PAK3: variants seen among roughly 807,000 people sequenced by gnomAD.
PAK3 encodes serine/threonine-protein kinase PAK 3.
A neutral mutation model predicts 41.0 loss-of-function variants in PAK3; 4 were observed. That is an observed-to-expected ratio of 0.10 (90% CI 0.05 to 0.22). PAK3 has a LOEUF of 0.22. Among genes scored for constraint, PAK3 ranks in the 10% least tolerant of loss-of-function variants. The pLI is 1.00. For synonymous variants in PAK3, 146 were observed against 139.6 expected (o/e 1.05, Z -0.32); for missense variants, 205 against 409.9 (o/e 0.50, Z 4.32).
At chrX:111,100,738 G>A (rs1303568205) in intron 3 of PAK3, among the ~76,000 whole-genome samples, 2 of 111,700 alleles carry the variant, frequency 1.8e-5, no homozygotes, top group South Asian at 7.6e-4. Flanking sequence ...TACCCCCACC[G>A]CCAAGGTGGC....
At chrX:111,073,099 C>T (rs934063385) in intron 1 of PAK3, among the ~76,000 whole-genome samples, 2 of 111,157 alleles carry the variant, frequency 1.8e-5, no homozygotes, top group African/African-American at 3.3e-5. Context: ...TTCCCACAGC[C>T]ACAGGTACTA....
intron 1 of PAK3, among the ~76,000 whole-genome samples, chrX:110,984,993 T>C (rs1302178435): frequency 9.0e-6 from 1 of 111,085 alleles, no homozygotes; most frequent in Non-Finnish European, 1.9e-5. Context: ...GCCAGGCGTG[T>C]TGGTGCACAC....
intron 1 of PAK3, among the ~76,000 whole-genome samples, chrX:110,988,157 A>G (rs1292656983): frequency 2.7e-5 from 3 of 112,714 alleles, no homozygotes; most frequent in African/African-American, 9.7e-5. Context: ...GCCTTGCCCT[A>G]AAGAAATTCT....
intron 1 of PAK3, among the ~76,000 whole-genome samples, chrX:111,012,655 T>C (rs1482261056): frequency 1.8e-5 from 2 of 112,668 alleles, no homozygotes; most frequent in African/African-American, 6.4e-5. Flanking sequence ...TCTGCTTTAC[T>C]AAAGGAATTA....
intron 17 of PAK3, among the ~76,000 whole-genome samples, chrX:111,219,325 C>T (rs960353212): frequency 9.1e-6 from 1 of 109,949 alleles, no homozygotes; most frequent in Admixed American, 9.8e-5. Context: ...ACAAAAGTGA[C>T]TTCAGGCTAT....
intron 1 of PAK3, among the ~76,000 whole-genome samples, chrX:110,991,751 A>G (rs1390748879): frequency 8.9e-6 from 1 of 111,753 alleles, no homozygotes; most frequent in Non-Finnish European, 1.9e-5. Context: ...TAAATTTAAA[A>G]TTTCTTTTGT....
intron 5 of PAK3, among the ~76,000 whole-genome samples, chrX:111,127,887 G>A (rs2093670056): frequency 9.0e-6 from 1 of 111,593 alleles, no homozygotes; most frequent in Admixed American, 9.5e-5. Flanking sequence ...ATTCTTGTAA[G>A]CCACCTGACA....
intron 1 of PAK3, among the ~76,000 whole-genome samples, chrX:111,047,942 TACTCTCTTTCTATTTCTCTACA>T (rs2092516198): frequency 9.0e-6 from 1 of 111,726 alleles, no homozygotes; most frequent in Non-Finnish European, 1.9e-5. Context: ...TTTGGCTGCA[TACTCTCTTTCTATTTCTCTACA>T]GCCCTGATAG....
intron 17 of PAK3, 134 bp from the exon 18 acceptor site, chrX:111,220,224 C>T (rs903696400): frequency 1.4e-4 from 69 of 504,698 alleles, no homozygotes; most frequent in Non-Finnish European, 2.2e-4. Flanking sequence ...AAGCTGGCAC[C>T]GTTTTTAATT....
chrX:111,096,187 C>T (rs1052147037), upstream of PAK3: 1 of 112,268 alleles, frequency 8.9e-6, no homozygotes. Context: ...CGAGCAGGGG[C>T]TCTACCGCGG....
At chrX:111,025,819 A>G (rs1225669562) in intron 1 of PAK3, among the ~76,000 whole-genome samples, 1 of 107,189 alleles carries the variant, frequency 9.3e-6, no homozygotes, top group Non-Finnish European at 1.9e-5. Context: ...CCTTAATACC[A>G]AAACCAGGAA....
At chrX:111,061,803 C>A (rs992560267) in intron 1 of PAK3, among the ~76,000 whole-genome samples, 1 of 110,224 alleles carries the variant, frequency 9.1e-6, no homozygotes, top group Non-Finnish European at 1.9e-5. Context: ...GCTTTGTGAA[C>A]CTTATACTCA....
intron 8 of PAK3, among the ~76,000 whole-genome samples, chrX:111,161,036 A>G (rs1470988892): frequency 3.6e-5 from 4 of 110,579 alleles, no homozygotes; most frequent in East Asian, 2.9e-4. Context: ...CTGAGGAATC[A>G]CCACACTGAC....
chrX:111,053,248 G>T (rs781260705), intron 1 of PAK3, among the ~76,000 whole-genome samples: 26 of 110,653 alleles, frequency 2.3e-4, no homozygotes, highest in African/African-American at 5.6e-4. Flanking sequence ...TTAGGAGGGG[G>T]TGAAAGTGGG....
Position 111,129,847 on chromosome X carries a change from G to A in PAK3, c.175+6569G>A, listed in dbSNP as rs191037849. Reference sequence around the variant, plus strand: ...GACAGAAGAGTGCTGTATCAAACACGCAGTTTGATATGCTTTAAAAAATGG... The same window carrying A: ...GACAGAAGAGTGCTGTATCAAACACACAGTTTGATATGCTTTAAAAAATGG... On this transcript the variant is annotated intron_variant, in intron 5 of 17. Transcript: ENST00000372007. 2.6e-3 allele frequency among the ~76,000 whole-genome samples: 293 copies of A among 111,364 alleles called. 2 individuals carry two copies. In the South Asian group the frequency reaches 0.057, roughly 22 times the overall value.
At chrX:110,997,046 A>T (rs775983426) in intron 1 of PAK3, among the ~76,000 whole-genome samples, 4 of 112,044 alleles carry the variant, frequency 3.6e-5, no homozygotes, top group African/African-American at 1.3e-4. Flanking sequence ...AGCTATTTGG[A>T]TGACGAACTT....
chrX:111,054,045 T>C (rs7053967), intron 1 of PAK3, among the ~76,000 whole-genome samples: 1,439 of 112,143 alleles, frequency 0.013, 30 homozygotes, highest in African/African-American at 0.044. Context: ...GCAACCCTTG[T>C]GCAGATTAGA....
At position 111,152,322 on chromosome X, in the gene PAK3, A is replaced by G; in HGVS notation, c.431-88A>G. On this transcript the variant is annotated intron_variant, in intron 7 of 17. Transcript: ENST00000372007. Reference sequence around the variant, plus strand: ...CATTTCCTTCTAGTTGAAATCATGCAGTTTTTTAATTTTTATTTTTCTGGT... The same window carrying G: ...CATTTCCTTCTAGTTGAAATCATGCGGTTTTTTAATTTTTATTTTTCTGGT... The G allele has an allele frequency of 8.0e-6, 5 of 622,573 alleles. No individual in the cohort carries two copies. The South Asian group carries it at 1.2e-4, about 15-fold the overall frequency. The allele number at this position is 622,573 out of a possible 1,213,427, so 51.3% of individuals were successfully genotyped here. A position where few individuals can be genotyped will look rare whatever the true frequency, so the allele number is the denominator to read the frequency against.
chrX:111,014,640 C>T (rs2092061591), intron 1 of PAK3, among the ~76,000 whole-genome samples: 1 of 111,582 alleles, frequency 9.0e-6, no homozygotes, highest in African/African-American at 3.3e-5. Flanking sequence ...TTCAGCCGTT[C>T]GTTCTGCTCT....
Sources: gnomAD v4.1 joint callset for allele counts (sites outside exome capture counted in the v4.1 genomes callset) on GRCh38, gnomAD v4.1.1 for gene constraint, MANE v1.5 for transcripts, NCBI Gene and HGNC (gene_info 2026-07-23, HGNC 2026-07-21) for gene names.